Variants in PVT1 observed in about 807,000 individuals in gnomAD.
PVT1 encodes Pvt1 oncogene, also known as CXCR4/PVT1 fusion.
At chr8:128,032,163 C>T (rs1012362376) in intron 4 of PVT1, among the ~76,000 whole-genome samples, 4 of 152,268 alleles carry the variant, frequency 2.6e-5, no homozygotes, top group South Asian at 2.1e-4. Context: ...GCTGAAGACC[C>T]GAGCAGTCAT....
chr8:128,083,377 C>T (rs1423193520), intron 5 of PVT1, among the ~76,000 whole-genome samples: 1 of 152,196 alleles, frequency 6.6e-6, no homozygotes, highest in Non-Finnish European at 1.5e-5. Context: ...ATCATTGGGC[C>T]ACTTGTGGTA....
chr8:127,892,071 G>C (rs1030166314), intron 3 of PVT1, among the ~76,000 whole-genome samples: 1 of 152,208 alleles, frequency 6.6e-6, no homozygotes, highest in Non-Finnish European at 1.5e-5. Context: ...AGGCCACCTG[G>C]CATGTGGCGG....
intron 5 of PVT1, among the ~76,000 whole-genome samples, chr8:128,070,876 G>C (rs1487741953): frequency 6.6e-6 from 1 of 152,134 alleles, no homozygotes; most frequent in Non-Finnish European, 1.5e-5. Context: ...GAATAGAACT[G>C]GGAATATTTT....
At chr8:127,847,408 C>T (rs1815048030) in intron 2 of PVT1, among the ~76,000 whole-genome samples, 1 of 152,200 alleles carries the variant, frequency 6.6e-6, no homozygotes. Context: ...GGCCTTTTGG[C>T]ATTCTCTATC....
intron 6 of PVT1, among the ~76,000 whole-genome samples, chr8:128,100,546 T>C (rs916343062): frequency 1.3e-5 from 2 of 152,152 alleles, no homozygotes; most frequent in Admixed American, 6.5e-5. Flanking sequence ...GCAGGGAGGA[T>C]GGGAAAGATG....
chr8:127,805,042 T>C (rs1388244212), intron 2 of PVT1, among the ~76,000 whole-genome samples: 1 of 151,174 alleles, frequency 6.6e-6, no homozygotes, highest in Non-Finnish European at 1.5e-5. Context: ...GTGATTCTCC[T>C]GCCTCAGCCT....
At chr8:127,936,158 T>C (rs1015594958) in intron 3 of PVT1, among the ~76,000 whole-genome samples, 2 of 151,678 alleles carry the variant, frequency 1.3e-5, no homozygotes, top group African/African-American at 4.9e-5. Flanking sequence ...TTCAAGTGAT[T>C]CTCTTGCCTC....
At chr8:127,817,421 GAT>G (rs61396145) in intron 2 of PVT1, among the ~76,000 whole-genome samples, 3 of 130,910 alleles carry the variant, frequency 2.3e-5, no homozygotes, top group East Asian at 4.3e-4. Flanking sequence ...TATTTAAATA[GAT>G]ATATATATAT....
At chr8:127,912,759 C>T (rs1465429251) in intron 3 of PVT1, among the ~76,000 whole-genome samples, 15 of 151,518 alleles carry the variant, frequency 9.9e-5, no homozygotes, top group Admixed American at 8.5e-4. Context: ...TGCCATGGCA[C>T]GATCTTGGCT....
intron 4 of PVT1, among the ~76,000 whole-genome samples, chr8:128,046,720 C>T (rs1813618141): frequency 1.3e-5 from 2 of 152,196 alleles, no homozygotes; most frequent in South Asian, 2.1e-4. Flanking sequence ...TCTGTGAGTA[C>T]CATCTGAAGG....
At chr8:127,838,541 C>T (rs1444960199) in intron 2 of PVT1, among the ~76,000 whole-genome samples, 1 of 152,040 alleles carries the variant, frequency 6.6e-6, no homozygotes, top group Non-Finnish European at 1.5e-5. Context: ...CCCGTTTCTA[C>T]TAAAAATACA....
intron 2 of PVT1, among the ~76,000 whole-genome samples, chr8:127,814,083 G>A (rs890056944): frequency 3.9e-5 from 6 of 152,132 alleles, no homozygotes; most frequent in African/African-American, 9.7e-5. Context: ...GCCCCCGGCC[G>A]CAGATGGGAA....
At chr8:128,021,174 C>T (rs867685072) in intron 4 of PVT1, among the ~76,000 whole-genome samples, 8 of 152,036 alleles carry the variant, frequency 5.3e-5, no homozygotes, top group South Asian at 2.1e-4. Flanking sequence ...TAGCTACAGA[C>T]ATCCTGTGGG....
intron 2 of PVT1, among the ~76,000 whole-genome samples, chr8:127,796,676 G>A (rs1470508469): frequency 6.6e-6 from 1 of 152,116 alleles, no homozygotes; most frequent in African/African-American, 2.4e-5. Context: ...CAGAGTATTG[G>A]CAGAATATCT....
At chr8:127,878,945 A>G (rs914250484) in intron 2 of PVT1, among the ~76,000 whole-genome samples, 7 of 152,218 alleles carry the variant, frequency 4.6e-5, no homozygotes, top group Non-Finnish European at 1.0e-4. Flanking sequence ...TCAGGCCACA[A>G]CTAGACACAT....
At chr8:127,978,847 G>A (rs1306441918) in intron 3 of PVT1, among the ~76,000 whole-genome samples, 1 of 152,136 alleles carries the variant, frequency 6.6e-6, no homozygotes, top group Non-Finnish European at 1.5e-5. Flanking sequence ...CTGGAATGCA[G>A]TGGCAGAAAC....
chr8:128,078,215 A>G (rs1318598340), intron 5 of PVT1, among the ~76,000 whole-genome samples: 2 of 152,222 alleles, frequency 1.3e-5, no homozygotes, highest in Non-Finnish European at 2.9e-5. Context: ...ACATTTAATC[A>G]TGTGTATCTC....
intron 2 of PVT1, among the ~76,000 whole-genome samples, chr8:127,866,375 G>T (rs1815286815): frequency 6.6e-6 from 1 of 152,144 alleles, no homozygotes; most frequent in East Asian, 1.9e-4. Flanking sequence ...CAGAGTGGGG[G>T]CCAGATGACA....
chr8:127,814,024 C>T (rs1426180241), intron 2 of PVT1, among the ~76,000 whole-genome samples: 1 of 152,182 alleles, frequency 6.6e-6, no homozygotes, highest in African/African-American at 2.4e-5. Context: ...CTCAGGTGAT[C>T]CACCCGCCTT....
Sources: gnomAD v4.1 joint callset for allele counts (sites outside exome capture counted in the v4.1 genomes callset) on GRCh38, gnomAD v4.1.1 for gene constraint, MANE v1.5 for transcripts, NCBI Gene and HGNC (gene_info 2026-07-23, HGNC 2026-07-21) for gene names.